Variants in MAP4K4 observed in about 807,000 individuals in gnomAD.
The protein encoded by MAP4K4 is HPK/GCK-like kinase HGK.
In MAP4K4, 38 loss-of-function variants were observed where a neutral mutation model predicts 189.6. That is an observed-to-expected ratio of 0.20 (90% CI 0.15 to 0.26). The LOEUF (loss-of-function observed/expected upper bound fraction) is 0.26, where lower values mean the gene tolerates loss of function less well. Among genes scored for constraint, MAP4K4 ranks in the 10% least tolerant of loss-of-function variants. The pLI is 1.00. For synonymous variants in MAP4K4, 610 were observed against 624.3 expected, an observed-to-expected ratio of 0.98 and a Z score of 0.34; for missense variants, 1,054 against 1,726.9, an observed-to-expected ratio of 0.61 and a Z score of 6.91.
rs530791332 is a variant in MAP4K4 at position 101,865,466 on chromosome 2, ATC to A, written c.2204+431_2204+432del. Among the ~76,000 whole-genome samples, 239 of 152,320 alleles carry A rather than the reference ATC, an allele frequency of 1.6e-3. 1 individual carries two copies. Among genetic ancestry groups the A allele is most frequent in the East Asian group, 0.011 (59 of 5,174 alleles). Reference sequence around the variant, plus strand: ...TAAACAAGTGAATTCACCAAATACTATCCTTTTTAGGTTCTAGAGCTGCTCTG... The same window carrying A: ...TAAACAAGTGAATTCACCAAATACTACTTTTTAGGTTCTAGAGCTGCTCTG... On this transcript the variant is annotated intron_variant, in intron 18 of 32. Coordinates refer to ENST00000324219, the Ensembl canonical transcript of MAP4K4.
chr2:101,886,685 C>G (rs2098486683), intron 29 of MAP4K4, among the ~76,000 whole-genome samples: 1 of 152,086 alleles, frequency 6.6e-6, no homozygotes, highest in African/African-American at 2.4e-5. Flanking sequence ...ACGGTTGTTG[C>G]CAGTGTGGCT....
At chr2:101,699,461 T>C (rs2036874229) in intron 2 of MAP4K4, among the ~76,000 whole-genome samples, 1 of 152,206 alleles carries the variant, frequency 6.6e-6, no homozygotes, top group Admixed American at 6.5e-5. Context: ...CTGTCTTAAT[T>C]TGTTTCTCAA....
intron 2 of MAP4K4, among the ~76,000 whole-genome samples, chr2:101,786,088 G>C (rs1388237018): frequency 6.6e-6 from 1 of 152,116 alleles, no homozygotes; most frequent in Non-Finnish European, 1.5e-5. Context: ...GCCTCCCAAA[G>C]TGCTGAGATT....
intron 2 of MAP4K4, among the ~76,000 whole-genome samples, chr2:101,724,933 A>G (rs2149489650): frequency 6.6e-6 from 1 of 152,352 alleles, no homozygotes; most frequent in Admixed American, 6.5e-5. Context: ...GTGTTTAGAT[A>G]TGTGTAGATA....
Position 101,835,960 on chromosome 2 carries a change from G to A in MAP4K4, c.755G>A (p.Arg252Gln), listed in dbSNP as rs371917259. 6 of 1,612,944 alleles carry A rather than the reference G, an allele frequency of 3.7e-6. No homozygotes were observed. Among genetic ancestry groups the A allele is most frequent in the African/African-American group, 1.3e-5 (1 of 74,836 alleles). The change falls in exon 9 of 33, where the codon CGG becomes CAG. Residue 252 changes from arginine (R) to glutamine (Q), a missense_variant. Around this residue, in one of 4 missense-constraint regions of MAP4K4, gnomAD observed 200 missense variants for 509.0 expected, o/e 0.39. Coordinates refer to ENST00000324219, the Ensembl canonical transcript of MAP4K4. ...CTCATTCCCAGAAACCCTCCTCCCC[G>A]GCTGAAGTCAAAAAAATGGTAAGCT...
chr2:101,782,861 G>A (rs2088449925), intron 2 of MAP4K4, among the ~76,000 whole-genome samples: 1 of 152,164 alleles, frequency 6.6e-6, no homozygotes, highest in African/African-American at 2.4e-5. Context: ...TTTTGCAGAT[G>A]CTTTTTGTAA....
intron 3 of MAP4K4, among the ~76,000 whole-genome samples, chr2:101,812,677 A>G (rs1473455415): frequency 1.3e-5 from 2 of 152,146 alleles, no homozygotes; most frequent in Non-Finnish European, 2.9e-5. Context: ...AAAAATGTGC[A>G]TCTTTGCTGT....
chr2:101,729,101 A>AGAGAGTGTGTGT (rs149283961), intron 2 of MAP4K4, among the ~76,000 whole-genome samples: 1,857 of 130,542 alleles, frequency 0.014, 60 homozygotes, highest in African/African-American at 0.054. Context: ...AGAGAGAGAG[A>AGAGAGTGTGTGT]GTGTGTGTGT....
rs1463144874 is a variant in MAP4K4 at position 101,885,176 on chromosome 2, C to G, written c.3521-11C>G. ...TGTGCTTCTCTTGCTTTTTTATTTG[C>G]TGCTTTTCAGTAAAATATGAAAGAA... On this transcript the variant is annotated splice_polypyrimidine_tract_variant and intron_variant, in intron 28 of 32. Transcript: ENST00000324219. 2.6e-6 allele frequency: 4 copies of G among 1,525,588 alleles called. No individual in the cohort carries two copies. Among genetic ancestry groups the G allele is most frequent in the Admixed American group, 1.8e-5 (1 of 55,420 alleles). The allele number at this position is 1,525,588 out of a possible 1,614,324, so 94.5% of individuals were successfully genotyped here. A position where few individuals can be genotyped will look rare whatever the true frequency, so the allele number is the denominator to read the frequency against.
chr2:101,865,617 CAT>C (rs756428782), intron 18 of MAP4K4, among the ~76,000 whole-genome samples: 4 of 152,208 alleles, frequency 2.6e-5, no homozygotes, highest in African/African-American at 4.8e-5. Flanking sequence ...TCTATAGCCA[CAT>C]ATAGCTAGTG....
At chr2:101,828,026 A>G (rs2096440035) in intron 5 of MAP4K4, among the ~76,000 whole-genome samples, 2 of 152,360 alleles carry the variant, frequency 1.3e-5, no homozygotes, top group South Asian at 4.1e-4. Flanking sequence ...TGGAAGAAAA[A>G]TGTACTTATT....
At chr2:101,803,258 T>A (rs2094550242) in intron 3 of MAP4K4, among the ~76,000 whole-genome samples, 1 of 151,548 alleles carries the variant, frequency 6.6e-6, no homozygotes, top group Non-Finnish European at 1.5e-5. Flanking sequence ...TGTGTGTGTG[T>A]GTGTGTATGT....
intron 12 of MAP4K4, 51 bp downstream of exon 12, chr2:101,844,362 TAC>T: frequency 6.8e-7 from 1 of 1,465,134 alleles, no homozygotes; most frequent in South Asian, 1.2e-5. Flanking sequence ...TTTCTGCATT[TAC>T]ACTGGTAGTT....
At chr2:101,862,890 T>G (rs1289702093) in intron 16 of MAP4K4, among the ~76,000 whole-genome samples, 2 of 152,364 alleles carry the variant, frequency 1.3e-5, no homozygotes, top group East Asian at 3.9e-4. Flanking sequence ...TTGAACAAAT[T>G]GATTCAGTAT....
chr2:101,739,540 T>C (rs2061739342), intron 2 of MAP4K4, among the ~76,000 whole-genome samples: 1 of 152,206 alleles, frequency 6.6e-6, no homozygotes, highest in African/African-American at 2.4e-5. Context: ...GGTTGTCAGC[T>C]ACCTTCTCAG....
intron 3 of MAP4K4, among the ~76,000 whole-genome samples, chr2:101,815,262 G>T (rs2149218741): frequency 6.6e-6 from 1 of 152,234 alleles, no homozygotes; most frequent in African/African-American, 2.4e-5. Flanking sequence ...GTATGATAAT[G>T]TGGGTCTTTT....
chr2:101,824,087 T>A (rs2096231911), intron 4 of MAP4K4, 34 bp downstream of exon 4: 2 of 1,155,868 alleles, frequency 1.7e-6, no homozygotes, highest in South Asian at 3.7e-5. Context: ...TTGTGGGCAT[T>A]CCATTTGCTT....
rs997198657 is a variant in MAP4K4, at chr2:101,842,514, T to G, written c.950-95T>G. On this transcript the variant is annotated intron_variant, in intron 10 of 32. Transcript: ENST00000324219. ...TTGCTGTTTTCACAGGGAACTTGTTTATTTTCTGCCAAGGTGCTCCTGCAG... is the reference window on the plus strand; with the variant it reads ...TTGCTGTTTTCACAGGGAACTTGTTGATTTTCTGCCAAGGTGCTCCTGCAG... The G allele has an allele frequency of 1.9e-4, 162 of 836,776 alleles. No homozygotes were observed. The African/African-American group carries it at 2.5e-3, about 13-fold the overall frequency. 51.8% of individuals were successfully genotyped at this position (836,776 alleles called of 1,614,324 possible).
chr2:101,708,000 C>A (rs932750957), intron 2 of MAP4K4, among the ~76,000 whole-genome samples: 1 of 151,822 alleles, frequency 6.6e-6, no homozygotes, highest in Non-Finnish European at 1.5e-5. Flanking sequence ...CGCGCCCAGC[C>A]CACGTCCAGC....
Sources: gnomAD v4.1 joint callset for allele counts (sites outside exome capture counted in the v4.1 genomes callset) on GRCh38, gnomAD v4.1.1 for gene constraint, gnomAD v4.1.1 regional missense constraint, MANE v1.5 for transcripts, NCBI Gene and HGNC (gene_info 2026-07-23, HGNC 2026-07-21) for gene names.